The following CHN2 variants were observed in gnomAD, a reference collection of about 807,000 sequenced individuals.
CHN2 encodes the protein chimerin 2.
A neutral mutation model predicts 56.3 loss-of-function variants in CHN2; 35 were observed. The observed-to-expected ratio is 0.62, with a 90% CI of 0.47 to 0.82. The LOEUF is 0.82. Among genes scored for constraint, CHN2 ranks in the 40% least tolerant of loss-of-function variants. The pLI is 0.00. For synonymous variants in CHN2, 210 were observed against 212.8 expected, an observed-to-expected ratio of 0.99 and a Z score of 0.12; for missense variants, 491 against 580.5, an observed-to-expected ratio of 0.85 and a Z score of 1.58.
At chr7:29,305,131 G>A (rs1180436896) in intron 1 of CHN2, among the ~76,000 whole-genome samples, 2 of 152,140 alleles carry the variant, frequency 1.3e-5, no homozygotes, top group Non-Finnish European at 2.9e-5. Context: ...AACAGCCAGC[G>A]TTTGCCTGCA....
chr7:29,338,260 G>A (rs1796773483), intron 1 of CHN2, among the ~76,000 whole-genome samples: 1 of 152,152 alleles, frequency 6.6e-6, no homozygotes, highest in African/African-American at 2.4e-5. Flanking sequence ...TTTGGGCAAG[G>A]CACCATCCTC....
intron 1 of CHN2, among the ~76,000 whole-genome samples, chr7:29,213,731 C>T (rs1248909271): frequency 6.6e-6 from 1 of 152,048 alleles, no homozygotes; most frequent in East Asian, 1.9e-4. Flanking sequence ...TGATGCTAAT[C>T]TTTGTAGAAG....
At position 29,308,470 on chromosome 7, in the gene CHN2, TG is replaced by T. The variant is rs1351310726; in HGVS notation, c.50-46154del. 4.6e-5 allele frequency among the ~76,000 whole-genome samples: 7 copies of T among 152,184 alleles called. No homozygotes were observed. In the East Asian group the frequency reaches 9.7e-4, roughly 21 times the overall value. The stretch of plus-strand genomic sequence containing the variant: ...CAGTGCAAGGTGGTTGGGGTGTGTG[TG>T]TGTGTGTGTGTTGGGATAGGAATTG... On this transcript the variant is annotated intron_variant, in intron 1 of 12. Coordinates refer to ENST00000222792, the MANE Select transcript of CHN2 (RefSeq NM_004067.4).
At position 29,429,313 on chromosome 7, in the gene CHN2, G is replaced by T. The variant is rs188981504; in HGVS notation, c.576+28485G>T. Among the ~76,000 whole-genome samples, 570 of 152,290 alleles carry T rather than the reference G, an allele frequency of 3.7e-3. 3 individuals are homozygous for T. The highest frequency in any genetic ancestry group is 7.1e-3 in the South Asian group (34 of 4,822). ...ATTTAACCAAGTAAGTAAAAGAAGA[G>T]ATATCAGTCTTTTTAGAATCAGGTG... On this transcript the variant is annotated intron_variant, in intron 6 of 12. Coordinates refer to ENST00000222792, the MANE Select transcript of CHN2 (RefSeq NM_004067.4).
chr7:29,458,195 G>T (rs1784903325), intron 6 of CHN2, among the ~76,000 whole-genome samples: 1 of 152,134 alleles, frequency 6.6e-6, no homozygotes, highest in African/African-American at 2.4e-5. Flanking sequence ...CATAGGTGTG[G>T]TTAGGGAGAT....
At chr7:29,318,863 A>G (rs567421267) in intron 1 of CHN2, among the ~76,000 whole-genome samples, 1 of 152,334 alleles carries the variant, frequency 6.6e-6, no homozygotes, top group East Asian at 1.9e-4. Flanking sequence ...CATGAAATAG[A>G]AAGGAAAAAT....
chr7:29,433,323 G>GAT (rs1782982141), intron 6 of CHN2, among the ~76,000 whole-genome samples: 1 of 152,226 alleles, frequency 6.6e-6, no homozygotes, highest in African/African-American at 2.4e-5. Flanking sequence ...GGATTTGAAA[G>GAT]ATGTGTAGAA....
At chr7:29,341,131 C>G (rs2128913485) in intron 1 of CHN2, among the ~76,000 whole-genome samples, 1 of 152,314 alleles carries the variant, frequency 6.6e-6, no homozygotes, top group Non-Finnish European at 1.5e-5. Context: ...AACCCACTGT[C>G]ATCTTTCAGG....
intron 6 of CHN2, among the ~76,000 whole-genome samples, chr7:29,403,760 A>G (rs1338641499): frequency 2.6e-5 from 4 of 152,178 alleles, no homozygotes; most frequent in Non-Finnish European, 5.9e-5. Flanking sequence ...ATTATGATGT[A>G]TGTGGGCCAC....
intron 6 of CHN2, among the ~76,000 whole-genome samples, chr7:29,438,278 C>G (rs1327277947): frequency 6.6e-6 from 1 of 152,198 alleles, no homozygotes; most frequent in South Asian, 2.1e-4. Flanking sequence ...TATGCAGATT[C>G]AAGAGATTCA....
At chr7:29,171,187 C>T (rs1360716385) in intron 2 of CHN2, among the ~76,000 whole-genome samples, 4 of 152,188 alleles carry the variant, frequency 2.6e-5, no homozygotes, top group Non-Finnish European at 5.9e-5. Flanking sequence ...TGCTTACATA[C>T]GCACTGCTCT....
At chr7:29,420,975 A>AT in intron 6 of CHN2, among the ~76,000 whole-genome samples, 1 of 152,158 alleles carries the variant, frequency 6.6e-6, no homozygotes, top group East Asian at 1.9e-4. Context: ...TAATTTTGGT[A>AT]TTTTTGGTAG....
chr7:29,198,091 TG>T (rs1486712748), intron 1 of CHN2: 3 of 454,808 alleles, frequency 6.6e-6, no homozygotes, highest in Non-Finnish European at 1.3e-5. Flanking sequence ...CTGCTGCTGA[TG>T]TAGGAGGTTT....
chr7:29,340,801 G>C (rs551920820), intron 1 of CHN2, among the ~76,000 whole-genome samples: 1 of 152,338 alleles, frequency 6.6e-6, no homozygotes, highest in African/African-American at 2.4e-5. Flanking sequence ...GGGACATGTA[G>C]GTAATTCCCT....
intron 1 of CHN2, among the ~76,000 whole-genome samples, chr7:29,274,496 A>T (rs565237907): frequency 1.1e-4 from 17 of 152,216 alleles, no homozygotes; most frequent in African/African-American, 4.1e-4. Context: ...GTGCAAAATC[A>T]TCTCACTTAA....
intron 2 of CHN2, among the ~76,000 whole-genome samples, chr7:29,176,720 C>A (rs556534325): frequency 1.3e-5 from 2 of 152,044 alleles, no homozygotes; most frequent in African/African-American, 4.8e-5. Flanking sequence ...CCTAAATTAA[C>A]GTTGACAGTA....
chr7:29,195,471 T>C (rs1360875524), intron 1 of CHN2: 1 of 158,438 alleles, frequency 6.3e-6, no homozygotes, highest in East Asian at 1.9e-4. Context: ...ATTAGCTCTA[T>C]GGAGACACTC....
intron 12 of CHN2, among the ~76,000 whole-genome samples, chr7:29,510,893 G>A (rs1235839770): frequency 6.6e-6 from 1 of 152,122 alleles, no homozygotes; most frequent in Non-Finnish European, 1.5e-5. Flanking sequence ...AGATGGAGAC[G>A]TCTGGATGTT....
intron 1 of CHN2, among the ~76,000 whole-genome samples, chr7:29,227,644 C>T (rs1268803928): frequency 1.3e-5 from 2 of 152,108 alleles, no homozygotes; most frequent in Non-Finnish European, 1.5e-5. Flanking sequence ...GCCTGGGACC[C>T]GAGATAGACC....
Sources: gnomAD v4.1 joint callset for allele counts (sites outside exome capture counted in the v4.1 genomes callset) on GRCh38, gnomAD v4.1.1 for gene constraint, MANE v1.5 for transcripts, NCBI Gene and HGNC (gene_info 2026-07-23, HGNC 2026-07-21) for gene names.